G3BP2: variants seen among roughly 807,000 people sequenced by gnomAD.
The protein encoded by G3BP2 is G3BP stress granule assembly factor 2, also known as ras GTPase-activating protein-binding protein 2.
In G3BP2, 11 loss-of-function variants were observed where a neutral mutation model predicts 56.7. The observed-to-expected ratio is 0.19, with a 90% confidence interval of 0.12 to 0.32. The LOEUF (loss-of-function observed/expected upper bound fraction) is 0.32, where lower values mean the gene tolerates loss of function less well. G3BP2 is among the 10% of genes least tolerant of loss of function. G3BP2 has a pLI of 1.00. For synonymous variants in G3BP2, 165 were observed against 191.6 expected, an observed-to-expected ratio of 0.86 and a Z score of 1.15; for missense variants, 340 against 610.9, an observed-to-expected ratio of 0.56 and a Z score of 4.67.
chr4:75,652,281 T>C (rs571036983), intron 8 of G3BP2, among the ~76,000 whole-genome samples: 27 of 152,254 alleles, frequency 1.8e-4, no homozygotes, highest in Non-Finnish European at 2.8e-4. Context: ...TTGATGCAAA[T>C]ACAGATAAGA....
In G3BP2 at chr4:75,654,067, A is replaced by T. The variant is rs1257198667; in HGVS notation, c.741T>A (p.Ala247=). The T allele has an allele frequency of 1.9e-6, 3 of 1,554,120 alleles. No individual in the cohort carries two copies. The highest frequency in any genetic ancestry group is 2.7e-6 in the Non-Finnish European group (3 of 1,125,848). The change falls in exon 8 of 12, where the codon GCT becomes GCA. Residue 247 remains alanine, a synonymous_variant. Coordinates refer to ENST00000359707, the MANE Select transcript of G3BP2 (RefSeq NM_203505.3). ...GAGGCAGGTTTTTACTGGTCACTGA[A>T]GCCCAGGAGAAAGCCTGCAGGAAAT... ...PQEPPKAFSW[A]SVTSKNLPPS...
At chr4:75,646,316 T>A (rs909356998) in intron 11 of G3BP2, 22 bp downstream of exon 11, 4 of 992,014 alleles carry the variant, frequency 4.0e-6, no homozygotes, top group Non-Finnish European at 6.3e-6. Flanking sequence ...AAGTCTTGAA[T>A]TATGCCCTTT....
rs547844342 is a variant in G3BP2, at chr4:75,703,406, T to C, written c.-25+17471A>G. Among the ~76,000 whole-genome samples, 4 of 152,258 alleles carry C rather than the reference T, an allele frequency of 2.6e-5. No individual in the cohort carries two copies. In the South Asian group the frequency reaches 8.3e-4, roughly 32 times the overall value. ...TCCCCCAATCCACACCACTTACCCT[T>C]AGTCACGTATGCAACTTCTACTGGT... is the stretch of plus-strand genomic sequence containing the variant. On this transcript the variant is annotated intron_variant, in intron 3 of 3. Transcript: ENST00000499709.
intron 3 of G3BP2, among the ~76,000 whole-genome samples, chr4:75,709,662 T>TATA: frequency 6.6e-6 from 1 of 152,164 alleles, no homozygotes; most frequent in Non-Finnish European, 1.5e-5. Context: ...GTTTCATTTT[T>TATA]ATTTAAAGAA....
At chr4:75,701,571 G>A (rs1292669949) in intron 3 of G3BP2, among the ~76,000 whole-genome samples, 1 of 152,150 alleles carries the variant, frequency 6.6e-6, no homozygotes, top group African/African-American at 2.4e-5. Flanking sequence ...TGGGATTACA[G>A]GCATGCACCA....
chr4:75,675,206 TTCACTTA>T (rs1486529718), upstream of G3BP2, among the ~76,000 whole-genome samples: 2 of 152,182 alleles, frequency 1.3e-5, no homozygotes, highest in Admixed American at 6.5e-5. Context: ...ATTGCCGCAA[TTCACTTA>T]TCTGCCCTAC....
rs565182340 is a variant in G3BP2 at position 75,656,276 on chromosome 4, G to T, written c.443-406C>A. On this transcript the variant is annotated intron_variant, in intron 5 of 11. Transcript: ENST00000359707. ...CAAAACACTGGGATTCCGGGCATGA[G>T]CCACCGCGCTCGGCTCCAATTTTTT... Among the ~76,000 whole-genome samples the T allele has an allele frequency of 2.5e-4, 36 of 143,496 alleles. 1 individual carries two copies. In the South Asian group the frequency reaches 5.9e-3, roughly 23 times the overall value. 94.1% of individuals were successfully genotyped at this position (143,496 alleles called of 152,430 possible).
chr4:75,657,365 G>GT, intron 4 of G3BP2, among the ~76,000 whole-genome samples, 192 bp downstream of exon 4: 1 of 152,226 alleles, frequency 6.6e-6, no homozygotes, highest in African/African-American at 2.4e-5. Context: ...TTACAAACTT[G>GT]TATCAGTATT....
At position 75,659,769 on chromosome 4, in the gene G3BP2, T is replaced by C. The variant is rs540502095; in HGVS notation, c.96-845A>G. Among the ~76,000 whole-genome samples the C allele has an allele frequency of 2.6e-4, 40 of 152,352 alleles. 1 individual carries two copies. The South Asian group carries it at 7.2e-3, about 28-fold the overall frequency. On this transcript the variant is annotated intron_variant, in intron 2 of 11. Transcript: ENST00000359707. ...TTAAATTAACTCCCCTAAGGTAATA[T>C]ACCTATCAAGTGGGGCACCCAAGAT...
intron 3 of G3BP2, among the ~76,000 whole-genome samples, chr4:75,715,926 C>T (rs1012226041): frequency 6.6e-6 from 1 of 152,106 alleles, no homozygotes; most frequent in Admixed American, 6.5e-5. Context: ...GATACTAGAA[C>T]GAGACCTAGA....
At position 75,683,320 on chromosome 4, in the gene G3BP2, G is replaced by A. The variant is rs571035734; in HGVS notation, c.-24-21271C>T. On this transcript the variant is annotated intron_variant, in intron 3 of 3. Coordinates refer to the G3BP2 transcript ENST00000499709. ...CTCACACCTGTAATCCCAGCATTTT[G>A]TGAGGCCAAGGCGGGCAGATCACCT... Among the ~76,000 whole-genome samples the A allele has an allele frequency of 6.6e-4, 101 of 152,218 alleles. 1 individual carries two copies. Among genetic ancestry groups the A allele is most frequent in the African/African-American group, 2.4e-3 (100 of 41,496 alleles).
intron 3 of G3BP2, among the ~76,000 whole-genome samples, chr4:75,696,126 C>T (rs1004528555): frequency 2.0e-5 from 3 of 151,898 alleles, no homozygotes; most frequent in African/African-American, 7.3e-5. Context: ...AGACAAAGAC[C>T]AAAATAGACC....
intron 3 of G3BP2, among the ~76,000 whole-genome samples, chr4:75,697,608 G>GA (rs987785897): frequency 4.1e-4 from 63 of 152,214 alleles, no homozygotes; most frequent in Admixed American, 3.7e-3. Context: ...GCAGCTAACA[G>GA]AAAAAAATGT....
intron 8 of G3BP2, 37 bp from the exon 9 acceptor site, chr4:75,648,778 C>T (rs1731439954): frequency 7.6e-7 from 1 of 1,323,262 alleles, no homozygotes; most frequent in African/African-American, 1.5e-5. Flanking sequence ...ATAAAAAACA[C>T]TCCACTGGAG....
intron 2 of G3BP2, among the ~76,000 whole-genome samples, chr4:75,721,527 GGATTATAGCCAT>G (rs1720178340): frequency 6.6e-6 from 1 of 152,016 alleles, no homozygotes; most frequent in South Asian, 2.1e-4. Flanking sequence ...CAAAGTGCTG[GGATTATAGCCAT>G]GAGCTACGTC....
intron 2 of G3BP2, among the ~76,000 whole-genome samples, chr4:75,661,188 G>A (rs1177476646): frequency 6.6e-6 from 1 of 152,172 alleles, no homozygotes; most frequent in Non-Finnish European, 1.5e-5. Flanking sequence ...GAGTGCAGTG[G>A]CACGATGCTC....
At chr4:75,722,579 A>T (rs1257505196) in intron 1 of G3BP2, among the ~76,000 whole-genome samples, 1 of 152,164 alleles carries the variant, frequency 6.6e-6, no homozygotes, top group Non-Finnish European at 1.5e-5. Flanking sequence ...TAGGGGCTTA[A>T]GTGAAGTTCT....
At position 75,662,960 on chromosome 4, in the gene G3BP2, A is replaced by T. The variant is rs151012394; in HGVS notation, c.-24-911T>A. ...GGGAATTAATTTCACCATTTTCAAA[A>T]TGGTAACAATGATTAATCACCAGCT... On this transcript the variant is annotated intron_variant, in intron 1 of 11. Coordinates refer to ENST00000359707, the MANE Select transcript of G3BP2 (RefSeq NM_203505.3). Among the ~76,000 whole-genome samples the T allele has an allele frequency of 2.1e-3, 315 of 152,338 alleles. 1 individual carries two copies. The highest frequency in any genetic ancestry group is 7.4e-3 in the African/African-American group (308 of 41,592).
chr4:75,710,276 G>A (rs1468559706), intron 3 of G3BP2, among the ~76,000 whole-genome samples: 1 of 152,052 alleles, frequency 6.6e-6, no homozygotes, highest in Non-Finnish European at 1.5e-5. Flanking sequence ...TCTCGAGTTG[G>A]TGGATGACGA....
Sources: gnomAD v4.1 joint callset for allele counts (sites outside exome capture counted in the v4.1 genomes callset) on GRCh38, gnomAD v4.1.1 for gene constraint, MANE v1.5 for transcripts, NCBI Gene and HGNC (gene_info 2026-07-23, HGNC 2026-07-21) for gene names.